The following DYRK1A variants were observed in gnomAD, a reference collection of about 807,000 sequenced individuals.
DYRK1A encodes dual specificity tyrosine-phosphorylation-regulated kinase 1A.
In DYRK1A, 9 loss-of-function variants were observed where a neutral mutation model predicts 79.7. The observed-to-expected ratio is 0.11, with a 90% CI of 0.07 to 0.20. The LOEUF (loss-of-function observed/expected upper bound fraction) is 0.20. DYRK1A is among the 10% of genes least tolerant of loss of function. The probability of loss-of-function intolerance (pLI) is 1.00; values close to 1 mark genes in which losing one functional copy is unlikely to be tolerated. For missense variants in DYRK1A, 622 were observed against 956.0 expected, an observed-to-expected ratio of 0.65 and a Z score of 4.61; for synonymous variants, 349 against 329.7, an observed-to-expected ratio of 1.06 and a Z score of -0.63.
At chr21:37,490,496 A>C in intron 7 of DYRK1A, 35 bp downstream of exon 7, 1 of 1,585,024 alleles carries the variant, frequency 6.3e-7, no homozygotes, top group Non-Finnish European at 8.6e-7. Context: ...AATTAAATAG[A>C]AATTAAATAG....
Position 37,518,192 on chromosome 21 carries a change from A to G in DYRK1A, c.*5661A>G, listed in dbSNP as rs1490468277. 1 of 152,236 alleles carries G rather than the reference A, an allele frequency of 6.6e-6. No homozygotes were observed. The highest frequency in any genetic ancestry group is 1.5e-5 in the Non-Finnish European group (1 of 68,044). The allele number at this position is 152,236 out of a possible 1,614,324, so 9.4% of individuals were successfully genotyped here. A position where few individuals can be genotyped will look rare whatever the true frequency, so the allele number is the denominator to read the frequency against. Reference sequence around the variant, plus strand: ...TCACGTCTGTAAAGATTTAAAGCGGAAAAGCGGAATGCAGTGAAATAGCAT... The same window carrying G: ...TCACGTCTGTAAAGATTTAAAGCGGGAAAGCGGAATGCAGTGAAATAGCAT... On this transcript the variant is annotated 3_prime_UTR_variant, in exon 12 of 12. Coordinates refer to ENST00000647188, the MANE Select transcript of DYRK1A (RefSeq NM_001347721.2).
At chr21:37,430,488 C>T in intron 2 of DYRK1A, 1 of 870,148 alleles carries the variant, frequency 1.1e-6, no homozygotes, top group Non-Finnish European at 1.4e-6. Flanking sequence ...TTGTTCCATG[C>T]ACCGCGCAAA....
intron 3 of DYRK1A, 148 bp from the exon 4 acceptor site, chr21:37,478,060 T>A (rs1254938794): frequency 2.8e-6 from 3 of 1,067,528 alleles, no homozygotes; most frequent in Non-Finnish European, 2.7e-6. Context: ...AAGGGAACTT[T>A]GAGAGAGAAT....
chr21:37,476,772 T>G (rs2052406827), intron 3 of DYRK1A, among the ~76,000 whole-genome samples: 1 of 151,594 alleles, frequency 6.6e-6, no homozygotes, highest in Admixed American at 6.6e-5. Flanking sequence ...ATCATCTTCT[T>G]AATTCTGATG....
chr21:37,382,197 AGCTT>A (rs1162985027), intron 1 of DYRK1A, among the ~76,000 whole-genome samples: 14 of 151,434 alleles, frequency 9.2e-5, no homozygotes, highest in South Asian at 2.1e-4. Flanking sequence ...GCCCTCATGA[AGCTT>A]GCTTTCTTTT....
At chr21:37,368,974 C>A (rs573494302) in intron 1 of DYRK1A, among the ~76,000 whole-genome samples, 1 of 151,974 alleles carries the variant, frequency 6.6e-6, no homozygotes, top group African/African-American at 2.4e-5. Context: ...CCTTTCCCCC[C>A]CCAAGAAAAC....
intron 1 of DYRK1A, among the ~76,000 whole-genome samples, chr21:37,390,230 G>A (rs1224986934): frequency 2.6e-5 from 4 of 152,062 alleles, no homozygotes; most frequent in African/African-American, 9.7e-5. Flanking sequence ...CATCCTGGAT[G>A]GGGTTTGGGC....
chr21:37,521,046 A>T lies in DYRK1A; in HGVS notation c.*8515A>T, dbSNP rs1440986945. 6.6e-6 allele frequency: 1 copy of T among 152,244 alleles called. No individual in the cohort carries two copies. Among genetic ancestry groups the T allele is most frequent in the Non-Finnish European group, 1.5e-5 (1 of 68,056 alleles). 9.4% of individuals were successfully genotyped at this position (152,244 alleles called of 1,614,324 possible). A position where few individuals can be genotyped will look rare whatever the true frequency, so the allele number is the denominator to read the frequency against. The stretch of plus-strand genomic sequence containing the variant: ...TTTCTGAAGGCATCTCCCACTGATT[A>T]TGTAATGACAGCTACTTAACATCTT... On this transcript the variant is annotated 3_prime_UTR_variant, in exon 12 of 12. Transcript: ENST00000647188.
intron 4 of DYRK1A, among the ~76,000 whole-genome samples, chr21:37,479,530 A>ACTG (rs2052524084): frequency 1.4e-5 from 2 of 145,346 alleles, no homozygotes; most frequent in Admixed American, 1.4e-4. Flanking sequence ...AGTTACCTGG[A>ACTG]CTGTTTCCTA....
At chr21:37,395,351 C>T (rs1418982031) in intron 1 of DYRK1A, among the ~76,000 whole-genome samples, 1 of 152,148 alleles carries the variant, frequency 6.6e-6, no homozygotes, top group Non-Finnish European at 1.5e-5. Flanking sequence ...TGATGTCGCC[C>T]TTCAAGGGTG....
At chr21:37,461,860 CTTT>C (rs113876525) in intron 2 of DYRK1A, among the ~76,000 whole-genome samples, 2 of 125,880 alleles carry the variant, frequency 1.6e-5, no homozygotes, top group Non-Finnish European at 3.5e-5. Context: ...TGACTTTTTC[CTTT>C]TTTTTTTTTT....
At chr21:37,396,972 T>C (rs2049969309) in intron 1 of DYRK1A, among the ~76,000 whole-genome samples, 1 of 152,176 alleles carries the variant, frequency 6.6e-6, no homozygotes, top group African/African-American at 2.4e-5. Context: ...TGCATTTTTT[T>C]CCGTCTTGTT....
Position 37,514,362 on chromosome 21 carries a change from G to A in DYRK1A, c.*1831G>A, listed in dbSNP as rs1047680776. On this transcript the variant is annotated 3_prime_UTR_variant, in exon 12 of 12. Coordinates refer to ENST00000647188, the MANE Select transcript of DYRK1A (RefSeq NM_001347721.2). ...ATTTTGGGGTGTGACACTTTTGAGC[G>A]GTTGAATTGGGAGAATGAAGATAAG... The A allele has an allele frequency of 6.6e-6, 1 of 152,590 alleles. No individual in the cohort carries two copies. Among genetic ancestry groups the A allele is most frequent in the African/African-American group, 2.4e-5 (1 of 41,436 alleles). 9.5% of individuals were successfully genotyped at this position (152,590 alleles called of 1,614,324 possible).
At chr21:37,446,960 A>G (rs528512733) in intron 2 of DYRK1A, among the ~76,000 whole-genome samples, 1 of 152,070 alleles carries the variant, frequency 6.6e-6, no homozygotes, top group Non-Finnish European at 1.5e-5. Context: ...CCTGATTGTT[A>G]CTAGTCTTGC....
chr21:37,463,175 G>A (rs544534809), intron 2 of DYRK1A, among the ~76,000 whole-genome samples: 2 of 142,060 alleles, frequency 1.4e-5, no homozygotes, highest in East Asian at 2.6e-4. Context: ...GTGTGTGCAT[G>A]TGTGTGTGTG....
chr21:37,484,606 C>T (rs1259154083), intron 5 of DYRK1A, among the ~76,000 whole-genome samples: 1 of 152,134 alleles, frequency 6.6e-6, no homozygotes, highest in Non-Finnish European at 1.5e-5. Flanking sequence ...GCTGGGATTA[C>T]AGGCATGAGC....
At chr21:37,397,572 T>G (rs1374165551) in intron 1 of DYRK1A, among the ~76,000 whole-genome samples, 1 of 152,170 alleles carries the variant, frequency 6.6e-6, no homozygotes, top group African/African-American at 2.4e-5. Flanking sequence ...ATAGTTCTCT[T>G]CAGTAAACTA....
At chr21:37,390,268 T>C (rs934074215) in intron 1 of DYRK1A, among the ~76,000 whole-genome samples, 3 of 152,192 alleles carry the variant, frequency 2.0e-5, no homozygotes, top group Non-Finnish European at 4.4e-5. Context: ...ATTACCTTTA[T>C]TTATTTTTCT....
chr21:37,454,626 A>G (rs1302310908), intron 2 of DYRK1A, among the ~76,000 whole-genome samples: 2 of 152,226 alleles, frequency 1.3e-5, no homozygotes, highest in African/African-American at 2.4e-5. Flanking sequence ...AAAATAATTA[A>G]TGTACCTATT....
Sources: allele counts gnomAD v4.1 joint callset (sites outside exome capture counted in the v4.1 genomes callset), GRCh38; gene constraint gnomAD v4.1.1; transcripts MANE v1.5; gene names NCBI Gene and HGNC (gene_info 2026-07-23, HGNC 2026-07-21).